QTMAN: variants seen among roughly 807,000 people sequenced by gnomAD.
QTMAN encodes queuosine-tRNA mannosyltransferase, also known as tRNA-queuosine alpha-mannosyltransferase.
chr2:144,174,631 G>C, the QTMAN span, among the ~76,000 whole-genome samples: 1 of 152,154 alleles, frequency 6.6e-6, no homozygotes, highest in Non-Finnish European at 1.5e-5. Flanking sequence ...GACCCAGTGG[G>C]AGGTAACCAA....
the QTMAN span, among the ~76,000 whole-genome samples, chr2:144,225,545 A>G: frequency 6.6e-6 from 1 of 152,214 alleles, no homozygotes; most frequent in Non-Finnish European, 1.5e-5. Flanking sequence ...TCCCACAGAC[A>G]CACTATTACT....
chr2:144,148,567 T>G, the QTMAN span, among the ~76,000 whole-genome samples: 2 of 151,930 alleles, frequency 1.3e-5, no homozygotes, highest in Admixed American at 1.3e-4. Context: ...TATCTGTATT[T>G]CTAGCCATAT....
At chr2:144,134,950 C>G in the QTMAN span, among the ~76,000 whole-genome samples, 5 of 151,920 alleles carry the variant, frequency 3.3e-5, no homozygotes, top group Admixed American at 2.0e-4. Flanking sequence ...ACAGAGAAAG[C>G]AGACAATTGA....
the QTMAN span, among the ~76,000 whole-genome samples, chr2:143,966,409 G>GACT: frequency 6.6e-6 from 1 of 152,202 alleles, no homozygotes; most frequent in African/African-American, 2.4e-5. Context: ...ACTGGAGTGG[G>GACT]ACTATAAGTT....
the QTMAN span, among the ~76,000 whole-genome samples, chr2:144,332,229 G>C: frequency 6.6e-6 from 1 of 151,724 alleles, no homozygotes; most frequent in East Asian, 1.9e-4. Context: ...AGGGAGCGCA[G>C]CGCGTGCGCC....
chr2:144,162,359 C>T, the QTMAN span, among the ~76,000 whole-genome samples: 1 of 152,090 alleles, frequency 6.6e-6, no homozygotes, highest in African/African-American at 2.4e-5. Context: ...GGGCAAGATG[C>T]TGGTTAAATT....
At chr2:144,023,613 C>A in the QTMAN span, among the ~76,000 whole-genome samples, 1 of 152,220 alleles carries the variant, frequency 6.6e-6, no homozygotes, top group Non-Finnish European at 1.5e-5. Context: ...TACTTTCCAC[C>A]TTGAAATATT....
the QTMAN span, among the ~76,000 whole-genome samples, chr2:143,983,548 C>T: frequency 5.4e-5 from 8 of 146,924 alleles, no homozygotes; most frequent in African/African-American, 1.8e-4. Context: ...TCTCGGCTCA[C>T]TGCAAGCTTC....
chr2:144,308,696 T>G, the QTMAN span, among the ~76,000 whole-genome samples: 3 of 152,154 alleles, frequency 2.0e-5, no homozygotes, highest in East Asian at 5.8e-4. Flanking sequence ...CCGGACGCGG[T>G]GGCTCACGCC....
the QTMAN span, among the ~76,000 whole-genome samples, chr2:144,010,350 T>C: frequency 6.6e-6 from 1 of 152,096 alleles, no homozygotes; most frequent in African/African-American, 2.4e-5. Context: ...TAAGACAAGT[T>C]GCAGATGACT....
chr2:144,263,398 T>C, the QTMAN span, among the ~76,000 whole-genome samples: 1 of 152,158 alleles, frequency 6.6e-6, no homozygotes, highest in Non-Finnish European at 1.5e-5. Flanking sequence ...CAAAGATGTC[T>C]GGACATGTTG....
the QTMAN span, among the ~76,000 whole-genome samples, chr2:144,065,344 T>C: frequency 1.3e-5 from 2 of 152,202 alleles, no homozygotes; most frequent in Non-Finnish European, 2.9e-5. Context: ...ATTCACTCTC[T>C]ACCTTTCTTG....
the QTMAN span, among the ~76,000 whole-genome samples, chr2:144,195,134 G>GACATCATCAACATCTGAAGGT: frequency 6.6e-6 from 1 of 151,788 alleles, no homozygotes; most frequent in Non-Finnish European, 1.5e-5. Context: ...CCCAAGTTTT[G>GACATCATCAACATCTGAAGGT]ACATCATCAA....
the QTMAN span, among the ~76,000 whole-genome samples, chr2:144,216,846 T>A: frequency 6.6e-6 from 1 of 152,290 alleles, no homozygotes; most frequent in South Asian, 2.1e-4. Context: ...TTCTGTTTGA[T>A]CTATTATCAT....
the QTMAN span, among the ~76,000 whole-genome samples, chr2:144,315,384 T>C: frequency 6.6e-6 from 1 of 152,226 alleles, no homozygotes; most frequent in African/African-American, 2.4e-5. Context: ...GTCCAGCCTA[T>C]AGAAATATCC....
the QTMAN span, among the ~76,000 whole-genome samples, chr2:143,988,689 G>C: frequency 2.6e-5 from 4 of 152,336 alleles, no homozygotes; most frequent in South Asian, 8.3e-4. Context: ...GTGTTCAGTG[G>C]TAAAGGACGG....
the QTMAN span, among the ~76,000 whole-genome samples, chr2:144,180,208 T>C: frequency 2.6e-5 from 4 of 152,190 alleles, no homozygotes; most frequent in Non-Finnish European, 4.4e-5. Flanking sequence ...GCTCACTGTT[T>C]GTTTCATTTT....
chr2:144,221,887 A>T, the QTMAN span, among the ~76,000 whole-genome samples: 1 of 152,210 alleles, frequency 6.6e-6, no homozygotes, highest in Non-Finnish European at 1.5e-5. Context: ...ACTAAAAGTA[A>T]TTCTCAATCT....
At chr2:144,054,178 ACT>A in the QTMAN span, among the ~76,000 whole-genome samples, 250 of 152,142 alleles carry the variant, frequency 1.6e-3, 2 homozygotes, top group African/African-American at 5.6e-3. Flanking sequence ...ACAGAGTGAG[ACT>A]CTGTCTCAAA....
Sources: gnomAD v4.1 joint callset for allele counts (sites outside exome capture counted in the v4.1 genomes callset) on GRCh38, gnomAD v4.1.1 for gene constraint, MANE v1.5 for transcripts, NCBI Gene and HGNC (gene_info 2026-07-23, HGNC 2026-07-21) for gene names.